The following CREB1 variants were observed in gnomAD, a reference collection of about 807,000 sequenced individuals.
The protein encoded by CREB1 is cAMP responsive element binding protein 1.
Under a neutral mutation model 42.0 loss-of-function variants are expected in CREB1, and 2 were observed. That is an observed-to-expected ratio of 0.05 (90% CI 0.02 to 0.15). CREB1 has a LOEUF of 0.15. CREB1 is among the 10% of genes least tolerant of loss of function. CREB1 has a pLI of 1.00. For missense variants in CREB1, 199 were observed against 388.9 expected, an observed-to-expected ratio of 0.51 and a Z score of 4.11; for synonymous variants, 123 against 139.9, an observed-to-expected ratio of 0.88 and a Z score of 0.85.
chr2:207,595,513 C>T (rs1418837986), intron 7 of CREB1, among the ~76,000 whole-genome samples: 1 of 151,966 alleles, frequency 6.6e-6, no homozygotes, highest in Non-Finnish European at 1.5e-5. Context: ...CTCGACCTCC[C>T]GGCCTCCAAC....
At chr2:207,561,567 T>A (rs1282384196) in intron 3 of CREB1, among the ~76,000 whole-genome samples, 1 of 152,350 alleles carries the variant, frequency 6.6e-6, no homozygotes, top group Non-Finnish European at 1.5e-5. Flanking sequence ...GCAAGTCTAA[T>A]TCCTGTTCTA....
intron 5 of CREB1, among the ~76,000 whole-genome samples, chr2:207,572,071 C>G (rs2082387165): frequency 6.6e-6 from 1 of 151,914 alleles, no homozygotes; most frequent in Non-Finnish European, 1.5e-5. Context: ...ACTAAAAATA[C>G]AAAAATTAGC....
chr2:207,557,760 A>G (rs2081788780), intron 2 of CREB1, among the ~76,000 whole-genome samples: 1 of 152,244 alleles, frequency 6.6e-6, no homozygotes, highest in Non-Finnish European at 1.5e-5. Context: ...GGTGATAGGA[A>G]TATAAAGGGT....
intron 3 of CREB1, chr2:207,561,033 A>G (rs778304410): frequency 2.7e-5 from 32 of 1,186,214 alleles, no homozygotes; most frequent in Admixed American, 5.2e-5. Flanking sequence ...GATCATTGCA[A>G]TTGAGCTTAT....
intron 1 of CREB1, among the ~76,000 whole-genome samples, chr2:207,551,096 A>T (rs115301912): frequency 0.016 from 2,484 of 152,200 alleles, 77 homozygotes; most frequent in African/African-American, 0.058. Context: ...CATTTTTCTT[A>T]TAGAAAAAGT....
intron 1 of CREB1, among the ~76,000 whole-genome samples, chr2:207,549,601 G>T (rs1011937282): frequency 2.6e-5 from 4 of 152,216 alleles, no homozygotes; most frequent in African/African-American, 9.6e-5. Context: ...TGGCTGGGGT[G>T]CAGTGGCTCA....
At chr2:207,544,238 C>T (rs562374187) in intron 1 of CREB1, among the ~76,000 whole-genome samples, 2 of 152,280 alleles carry the variant, frequency 1.3e-5, no homozygotes, top group East Asian at 3.9e-4. Context: ...TTAGTTTAGG[C>T]TTGTAAGTAG....
intron 3 of CREB1, among the ~76,000 whole-genome samples, chr2:207,566,057 A>G (rs1457774117): frequency 1.3e-5 from 2 of 152,192 alleles, no homozygotes; most frequent in African/African-American, 4.8e-5. Flanking sequence ...TGAATTCATT[A>G]TATGTTGCCT....
intron 3 of CREB1, chr2:207,561,303 C>G: frequency 1.5e-6 from 1 of 685,620 alleles, no homozygotes; most frequent in Non-Finnish European, 2.5e-6. Flanking sequence ...TGGGTCTAGG[C>G]CATACTTGTT....
rs201304122 is a variant in CREB1, at chr2:207,582,909, AC to A, written c.839+5255del. ...CTGTCTCAAAAAAACAAACAAACAA[AC>A]AAAAAAAAATATATATATATACATA... is the stretch of plus-strand genomic sequence containing the variant. On this transcript the variant is annotated intron_variant, in intron 7 of 7. Transcript: ENST00000353267. 4.9e-3 allele frequency: 1,071 copies of A among 219,510 alleles called. 8 individuals carry two copies. The highest frequency in any genetic ancestry group is 0.014 in the African/African-American group (444 of 31,886). The allele number at this position is 219,510 out of a possible 1,614,324, so 13.6% of individuals were successfully genotyped here.
intron 7 of CREB1, among the ~76,000 whole-genome samples, chr2:207,580,294 C>G (rs1001982587): frequency 6.6e-6 from 1 of 152,140 alleles, no homozygotes; most frequent in Non-Finnish European, 1.5e-5. Flanking sequence ...TCTGCTGTGC[C>G]TCTCAAACCA....
chr2:207,569,005 A>AT (rs2082248356), intron 4 of CREB1, among the ~76,000 whole-genome samples: 1 of 151,510 alleles, frequency 6.6e-6, no homozygotes, highest in Non-Finnish European at 1.5e-5. Context: ...ATCCATCCTG[A>AT]TTTTTTTCCT....
At chr2:207,561,196 A>T (rs1437077945) in intron 3 of CREB1, 1 of 1,535,392 alleles carries the variant, frequency 6.5e-7, no homozygotes, top group African/African-American at 1.4e-5. Context: ...GAGAACTATT[A>T]TTAGAAAGGA....
At chr2:207,535,415 C>G (rs576639392) in intron 1 of CREB1, among the ~76,000 whole-genome samples, 18 of 151,580 alleles carry the variant, frequency 1.2e-4, no homozygotes, top group African/African-American at 4.4e-4. Context: ...TCATATAGTC[C>G]GGTGTTTTTT....
intron 4 of CREB1, 92 bp downstream of exon 4, chr2:207,567,655 G>A (rs2082189773): frequency 1.5e-5 from 12 of 774,772 alleles, no homozygotes; most frequent in Middle Eastern, 2.4e-4. Context: ...AGTTGTTCAC[G>A]TCAGTTCCTT....
rs894181428 is a variant in CREB1 at position 207,605,953 on chromosome 2, A to AT, written c.*8902dup. Among the ~76,000 whole-genome samples, 2 of 152,134 alleles carry AT rather than the reference A, an allele frequency of 1.3e-5. No homozygotes were observed. Among genetic ancestry groups the AT allele is most frequent in the African/African-American group, 2.4e-5 (1 of 41,426 alleles). On this transcript the variant is annotated 3_prime_UTR_variant, in exon 8 of 8. Coordinates refer to ENST00000353267, the MANE Select transcript of CREB1 (RefSeq NM_004379.5). ...TTATGTCAAACTTTACAGTCTAGGC[A>AT]TTTTTTTCTGGAATTAAAATTAGAA...
At chr2:207,572,589 A>G (rs2082411316) in intron 5 of CREB1, among the ~76,000 whole-genome samples, 1 of 152,200 alleles carries the variant, frequency 6.6e-6, no homozygotes, top group African/African-American at 2.4e-5. Flanking sequence ...ACAGTGCTAC[A>G]TAAATATCCT....
intron 3 of CREB1, among the ~76,000 whole-genome samples, chr2:207,564,357 AATT>A (rs1205245363): frequency 6.6e-6 from 1 of 152,018 alleles, no homozygotes; most frequent in Non-Finnish European, 1.5e-5. Flanking sequence ...AAAAATTAAA[AATT>A]AGCTGGGAGT....
chr2:207,568,597 CTA>C (rs1282606935), intron 4 of CREB1, among the ~76,000 whole-genome samples: 6 of 152,046 alleles, frequency 3.9e-5, no homozygotes, highest in Non-Finnish European at 8.8e-5. Context: ...AGAACAATAA[CTA>C]TAAATTTATG....
Sources: gnomAD v4.1 joint callset for allele counts (sites outside exome capture counted in the v4.1 genomes callset) on GRCh38, gnomAD v4.1.1 for gene constraint, MANE v1.5 for transcripts, NCBI Gene and HGNC (gene_info 2026-07-23, HGNC 2026-07-21) for gene names.